MAST2: variants seen among roughly 807,000 people sequenced by gnomAD.
MAST2 encodes the protein microtubule associated serine/threonine kinase 2, also known as microtubule-associated serine/threonine-protein kinase 2.
MAST2 carries 70 observed loss-of-function variants against 147.4 expected under a neutral mutation model. The ratio of observed to expected loss-of-function variants is 0.47; its 90% CI spans 0.39 to 0.58. The LOEUF (loss-of-function observed/expected upper bound fraction) is 0.58. Ranked by LOEUF, MAST2 falls within the 20% of genes least tolerant of loss-of-function variation. The pLI, the probability that MAST2 is intolerant of heterozygous loss-of-function variation, is 0.00. For synonymous variants in MAST2, 869 were observed against 896.8 expected (o/e 0.97, Z 0.55); for missense variants, 2,080 against 2,302.3 (o/e 0.90, Z 1.98).
Position 45,899,312 on chromosome 1 carries a change from T to C in MAST2, c.500+16917T>C, listed in dbSNP as rs199714434. 3.5e-3 allele frequency among the ~76,000 whole-genome samples: 519 copies of C among 146,750 alleles called. 4 individuals are homozygous for C. The highest frequency in any genetic ancestry group is 0.012 in the African/African-American group (467 of 40,116). ...AAATATTTTTCCTTTCTTTTCTTTTTTTTTTTTTTTTTTTTAGATTCAGGG... is the reference window on the plus strand; with the variant it reads ...AAATATTTTTCCTTTCTTTTCTTTTCTTTTTTTTTTTTTTTAGATTCAGGG... On this transcript the variant is annotated intron_variant, in intron 4 of 28. Transcript: ENST00000361297.
At chr1:45,955,533 G>A (rs1380641381) in intron 4 of MAST2, among the ~76,000 whole-genome samples, 3 of 152,112 alleles carry the variant, frequency 2.0e-5, no homozygotes, top group African/African-American at 2.4e-5. Context: ...CAAGAAAGGG[G>A]GATAGAGAGT....
At chr1:45,915,739 G>A (rs1053195407) in intron 4 of MAST2, among the ~76,000 whole-genome samples, 11 of 149,850 alleles carry the variant, frequency 7.3e-5, no homozygotes, top group Non-Finnish European at 1.6e-4. Flanking sequence ...AGAAAATGAA[G>A]TTTGGCTTTC....
At chr1:45,843,612 G>A (rs1645342081) in intron 3 of MAST2, among the ~76,000 whole-genome samples, 1 of 152,148 alleles carries the variant, frequency 6.6e-6, no homozygotes, top group Non-Finnish European at 1.5e-5. Flanking sequence ...GAAATAAAAG[G>A]AATGTAGGGG....
intron 4 of MAST2, among the ~76,000 whole-genome samples, chr1:45,929,865 A>G (rs550263736): frequency 7.1e-4 from 108 of 152,294 alleles, no homozygotes; most frequent in African/African-American, 2.6e-3. Flanking sequence ...TGAGTCAAAA[A>G]TTAAATGTAT....
chr1:45,858,593 G>T (rs903459387), intron 3 of MAST2, among the ~76,000 whole-genome samples: 8 of 146,616 alleles, frequency 5.5e-5, no homozygotes, highest in African/African-American at 7.6e-5. Context: ...AGTTTCTTTT[G>T]CTGTGCAGAA....
At chr1:46,015,504 T>C (rs2149259383) in intron 10 of MAST2, among the ~76,000 whole-genome samples, 1 of 152,100 alleles carries the variant, frequency 6.6e-6, no homozygotes, top group South Asian at 2.1e-4. Context: ...TCACCACCAA[T>C]CCCACAGAAA....
intron 3 of MAST2, among the ~76,000 whole-genome samples, chr1:45,834,010 C>G (rs953563317): frequency 6.6e-6 from 1 of 151,966 alleles, no homozygotes; most frequent in Admixed American, 6.6e-5. Context: ...ATACCTATTT[C>G]TGCTTTGACC....
At chr1:45,911,897 AT>A (rs1651739525) in intron 4 of MAST2, among the ~76,000 whole-genome samples, 2 of 130,684 alleles carry the variant, frequency 1.5e-5, no homozygotes, top group Non-Finnish European at 3.3e-5. Flanking sequence ...TATTATTATT[AT>A]TATGTAGCCT....
intron 5 of MAST2, among the ~76,000 whole-genome samples, chr1:45,987,331 G>GT (rs1330266731): frequency 2.0e-5 from 3 of 151,670 alleles, no homozygotes; most frequent in Non-Finnish European, 2.9e-5. Context: ...TTTTTGGTTT[G>GT]TTTTTTGAGA....
At chr1:45,909,976 C>T (rs976116159) in intron 4 of MAST2, among the ~76,000 whole-genome samples, 4 of 151,636 alleles carry the variant, frequency 2.6e-5, no homozygotes, top group African/African-American at 9.7e-5. Context: ...CTGCCTGCCT[C>T]GGCCTCCCAA....
intron 3 of MAST2, among the ~76,000 whole-genome samples, chr1:45,832,273 A>G (rs529200285): frequency 5.0e-4 from 76 of 151,884 alleles, no homozygotes; most frequent in Non-Finnish European, 9.0e-4. Context: ...GTTAGTCACA[A>G]GCATCTGTGT....
intron 4 of MAST2, among the ~76,000 whole-genome samples, chr1:45,926,710 A>G (rs1371593411): frequency 6.6e-6 from 1 of 152,218 alleles, no homozygotes; most frequent in Non-Finnish European, 1.5e-5. Context: ...CTTCAGAAGA[A>G]GTGATTCTCT....
At chr1:45,959,321 A>C in intron 4 of MAST2, 65 bp from the exon 5 acceptor site, 1 of 1,327,836 alleles carries the variant, frequency 7.5e-7, no homozygotes, top group Non-Finnish European at 1.1e-6. Context: ...TTCCTTAAAA[A>C]CCACTCAAGG....
At chr1:45,905,223 C>G (rs1443627604) in intron 4 of MAST2, among the ~76,000 whole-genome samples, 2 of 143,290 alleles carry the variant, frequency 1.4e-5, no homozygotes, top group South Asian at 4.4e-4. Context: ...GTCACTCAGG[C>G]TGGAATGCAG....
intron 4 of MAST2, among the ~76,000 whole-genome samples, chr1:45,935,286 G>A (rs1477387590): frequency 2.0e-5 from 3 of 152,098 alleles, no homozygotes; most frequent in African/African-American, 7.2e-5. Flanking sequence ...TGTAGATTCT[G>A]GATATTAGAC....
At chr1:46,017,771 G>C (rs1252440526) in intron 10 of MAST2, among the ~76,000 whole-genome samples, 1 of 152,062 alleles carries the variant, frequency 6.6e-6, no homozygotes, top group Non-Finnish European at 1.5e-5. Flanking sequence ...GATTCCTCAG[G>C]GATCTAGAAC....
intron 3 of MAST2, among the ~76,000 whole-genome samples, chr1:45,875,951 C>T (rs4660319): frequency 0.45 from 67,691 of 151,670 alleles, 15,299 homozygotes; most frequent in East Asian, 0.62. Flanking sequence ...AGGACAGTCC[C>T]CATTTAAGGG....
At chr1:45,977,625 C>G (rs960945365) in intron 5 of MAST2, among the ~76,000 whole-genome samples, 1 of 151,840 alleles carries the variant, frequency 6.6e-6, no homozygotes, top group Non-Finnish European at 1.5e-5. Flanking sequence ...CGGTGAAACC[C>G]CGTCTCTACT....
intron 3 of MAST2, among the ~76,000 whole-genome samples, chr1:45,873,018 G>C (rs111590895): frequency 0.012 from 1,843 of 152,142 alleles, 19 homozygotes; most frequent in Non-Finnish European, 0.02. Context: ...GGTCCAAATG[G>C]TAATAAAATT....
Sources: gnomAD v4.1 joint callset for allele counts (sites outside exome capture counted in the v4.1 genomes callset) on GRCh38, gnomAD v4.1.1 for gene constraint, MANE v1.5 for transcripts, NCBI Gene and HGNC (gene_info 2026-07-23, HGNC 2026-07-21) for gene names.